Variants in VTA1 observed in about 807,000 individuals in gnomAD.
VTA1 encodes the protein vesicle trafficking 1.
In VTA1, 24 loss-of-function variants were observed where a neutral mutation model predicts 36.9. That is an observed-to-expected ratio of 0.65 (90% CI 0.47 to 0.91). The LOEUF (loss-of-function observed/expected upper bound fraction) is 0.91, where lower values mean the gene tolerates loss of function less well. VTA1 is among the 40% of genes least tolerant of loss of function. The pLI is 0.00. For missense variants in VTA1, 393 were observed against 377.2 expected (o/e 1.04, Z -0.35); for synonymous variants, 142 against 130.2 (o/e 1.09, Z -0.62).
chr6:142,204,868 G>A (rs988047274), intron 7 of VTA1, among the ~76,000 whole-genome samples: 1 of 150,470 alleles, frequency 6.6e-6, no homozygotes, highest in African/African-American at 2.5e-5. Flanking sequence ...GGGACTACAG[G>A]TGTGCGCCAC....
intron 4 of VTA1, among the ~76,000 whole-genome samples, chr6:142,182,777 A>G (rs1582890058): frequency 6.6e-6 from 1 of 152,350 alleles, no homozygotes; most frequent in East Asian, 1.9e-4. Context: ...CAAGATCCTA[A>G]GGTTCAGAGA....
At chr6:142,196,525 T>G (rs1775555179) in intron 5 of VTA1, among the ~76,000 whole-genome samples, 1 of 152,200 alleles carries the variant, frequency 6.6e-6, no homozygotes, top group South Asian at 2.1e-4. Context: ...ATAGCTAGAT[T>G]TAAACCTATT....
Position 142,194,930 on chromosome 6 carries a change from A to G in VTA1, c.521-3509A>G, listed in dbSNP as rs1775518239. 1.3e-5 allele frequency among the ~76,000 whole-genome samples: 2 copies of G among 152,100 alleles called. 1 individual carries two copies. The highest frequency in any genetic ancestry group is 1.3e-4 in the Admixed American group (2 of 15,272). ...TCATAGGACTTTTTTTCTTCTGTTA[A>G]TATGAGTTACATTGATTGATTTTCA... On this transcript the variant is annotated intron_variant, in intron 5 of 7. Transcript: ENST00000367630.
intron 1 of VTA1, among the ~76,000 whole-genome samples, chr6:142,151,155 G>C (rs1289237833): frequency 1.3e-5 from 2 of 152,168 alleles, no homozygotes; most frequent in Non-Finnish European, 2.9e-5. Flanking sequence ...TTTATCAAGA[G>C]GTTGAGGAGG....
chr6:142,160,989 C>A (rs546786203), intron 1 of VTA1, among the ~76,000 whole-genome samples: 1 of 150,362 alleles, frequency 6.7e-6, no homozygotes, highest in Non-Finnish European at 1.5e-5. Flanking sequence ...ATTGTTGTTA[C>A]GACAGGAGTT....
chr6:142,199,968 G>T (rs1009995658), intron 6 of VTA1, among the ~76,000 whole-genome samples: 5 of 152,020 alleles, frequency 3.3e-5, no homozygotes, highest in African/African-American at 1.2e-4. Flanking sequence ...AGATCTGTTT[G>T]CCTTAGATGA....
chr6:142,198,789 T>C (rs1775621291), intron 6 of VTA1, 174 bp downstream of exon 6: 1 of 545,294 alleles, frequency 1.8e-6, no homozygotes, highest in South Asian at 3.7e-5. Context: ...TAATATTAGT[T>C]GTATTCTAAT....
At chr6:142,204,922 A>T (rs1348240769) in intron 7 of VTA1, among the ~76,000 whole-genome samples, 2 of 150,800 alleles carry the variant, frequency 1.3e-5, no homozygotes, top group Non-Finnish European at 2.9e-5. Flanking sequence ...ATGGGATTTC[A>T]CCATGTTGGC....
intron 5 of VTA1, among the ~76,000 whole-genome samples, chr6:142,194,942 T>C (rs893493813): frequency 1.3e-5 from 2 of 152,076 alleles, no homozygotes; most frequent in Non-Finnish European, 2.9e-5. Context: ...ATGAGTTACA[T>C]TGATTGATTT....
Position 142,219,013 on chromosome 6 carries a change from A to G in VTA1, c.*370A>G, listed in dbSNP as rs1467887656. ...TCTGTAATGTTTGGACAAACAGATG[A>G]TATTACTTTGCTATAAAATTATAAA... is the stretch of plus-strand genomic sequence containing the variant. On this transcript the variant is annotated 3_prime_UTR_variant, in exon 8 of 8. Coordinates refer to ENST00000367630, the MANE Select transcript of VTA1 (RefSeq NM_016485.5). 1 of 155,414 alleles carries G rather than the reference A, an allele frequency of 6.4e-6. No individual in the cohort carries two copies. Among genetic ancestry groups the G allele is most frequent in the African/African-American group, 2.4e-5 (1 of 41,646 alleles). The allele number at this position is 155,414 out of a possible 1,614,324, so 9.6% of individuals were successfully genotyped here. A position where few individuals can be genotyped will look rare whatever the true frequency, so the allele number is the denominator to read the frequency against.
Position 142,165,125 on chromosome 6 carries a change from G to A in VTA1, c.113-1103G>A, listed in dbSNP as rs141522478. ...ATAAAGGAGAATATGGAGCTATTCA[G>A]TAAATATCTAACAGTTTTTTAGTGG... On this transcript the variant is annotated intron_variant, in intron 1 of 7. Coordinates refer to ENST00000367630, the MANE Select transcript of VTA1 (RefSeq NM_016485.5). 7.9e-5 allele frequency among the ~76,000 whole-genome samples: 12 copies of A among 152,312 alleles called. 1 individual carries two copies. The highest frequency in any genetic ancestry group is 7.8e-4 in the Admixed American group (12 of 15,296).
intron 4 of VTA1, among the ~76,000 whole-genome samples, chr6:142,188,610 G>A (rs1050705978): frequency 1.3e-5 from 2 of 152,178 alleles, no homozygotes; most frequent in Non-Finnish European, 2.9e-5. Context: ...TGTAGATCAG[G>A]TTCAGTAGAT....
At chr6:142,208,569 T>G (rs1775841153) in intron 7 of VTA1, among the ~76,000 whole-genome samples, 2 of 152,064 alleles carry the variant, frequency 1.3e-5, no homozygotes. Flanking sequence ...AATATCCAGG[T>G]ACAGGAAGGT....
chr6:142,188,225 C>CTTTTTTT (rs200348683), intron 4 of VTA1, among the ~76,000 whole-genome samples: 59 of 78,970 alleles, frequency 7.5e-4, no homozygotes, highest in African/African-American at 1.3e-3. Context: ...TTCTTTATTT[C>CTTTTTTT]TTTTTTTTTT....
At position 142,218,573 on chromosome 6, in the gene VTA1, A is replaced by G. The variant is rs993619082; in HGVS notation, c.854A>G (p.Tyr285Cys). The G allele has an allele frequency of 8.1e-6, 13 of 1,613,594 alleles. No homozygotes were observed. Among genetic ancestry groups the G allele is most frequent in the African/African-American group, 8.0e-5 (6 of 74,916 alleles). ...YCKYAGSALQ[Y>C]EDVSTAVQNL... Reference sequence around the variant, plus strand: ...AAATATGCTGGCAGTGCTTTGCAGTATGAAGATGTAAGCACTGCTGTCCAG... The same window carrying G: ...AAATATGCTGGCAGTGCTTTGCAGTGTGAAGATGTAAGCACTGCTGTCCAG... Residue 285 changes from tyrosine to cysteine, a missense_variant, in exon 8 of 8, where the codon TAT becomes TGT. Tyr to Cys is a radical substitution (Grantham distance 194, BLOSUM62 -2). Coordinates refer to ENST00000367630, the MANE Select transcript of VTA1 (RefSeq NM_016485.5).
intron 1 of VTA1, among the ~76,000 whole-genome samples, chr6:142,156,928 G>A (rs1778673481): frequency 6.6e-6 from 1 of 152,142 alleles, no homozygotes; most frequent in African/African-American, 2.4e-5. Flanking sequence ...AGCACTTTGG[G>A]AGGCCCAGGT....
intron 1 of VTA1, 76 bp from the exon 2 acceptor site, chr6:142,166,152 C>T: frequency 1.4e-5 from 12 of 872,990 alleles, no homozygotes; most frequent in South Asian, 1.3e-4. Context: ...TATTTATTAG[C>T]AATTATATTT....
intron 1 of VTA1, among the ~76,000 whole-genome samples, chr6:142,150,312 A>G (rs1778544070): frequency 6.6e-6 from 1 of 152,166 alleles, no homozygotes; most frequent in Non-Finnish European, 1.5e-5. Context: ...CGCTCTCCAA[A>G]CTGGAGTAGG....
chr6:142,181,094 A>AAAAAAATATATATATATATATATATAT (rs1471429927), intron 4 of VTA1, among the ~76,000 whole-genome samples: 2 of 36,440 alleles, frequency 5.5e-5, no homozygotes, highest in Non-Finnish European at 5.8e-5. Context: ...AAAAAAAAAA[A>AAAAAAATATATATATATATATATATAT]ATATATATAT....
Sources: allele counts gnomAD v4.1 joint callset (sites outside exome capture counted in the v4.1 genomes callset), GRCh38; gene constraint gnomAD v4.1.1; transcripts MANE v1.5; gene names NCBI Gene and HGNC (gene_info 2026-07-23, HGNC 2026-07-21).